Variants in HLCS observed in about 807,000 individuals in gnomAD.
HLCS encodes the protein biotin--protein ligase.
HLCS carries 53 observed loss-of-function variants against 75.0 expected under a neutral mutation model. That is an observed-to-expected ratio of 0.71 (90% CI 0.57 to 0.89). The LOEUF (loss-of-function observed/expected upper bound fraction) is 0.89. Ranked by LOEUF, HLCS falls within the 40% of genes least tolerant of loss-of-function variation. The pLI is 0.00. For synonymous variants in HLCS, 431 were observed against 428.6 expected (o/e 1.01, Z -0.07); for missense variants, 966 against 1,074.0 (o/e 0.90, Z 1.41).
intron 9 of HLCS, among the ~76,000 whole-genome samples, chr21:36,758,132 G>T (rs2089677810): frequency 6.6e-6 from 1 of 151,904 alleles, no homozygotes; most frequent in Non-Finnish European, 1.5e-5. Flanking sequence ...TGGAGACGGG[G>T]TCTCACTCCA....
chr21:36,966,603 C>T lies in HLCS; in HGVS notation c.36G>A (p.Ala12=). 1.0e-6 allele frequency: 1 copy of T among 993,428 alleles called. No individual in the cohort carries two copies. The allele number at this position is 993,428 out of a possible 1,614,324, so 61.5% of individuals were successfully genotyped here. ...GCTCAGCCGGCCGGCGACCCCAGCG[C>T]GCCCACAGGTACAGGTAGCACAGCG... is the stretch of plus-strand genomic sequence containing the variant. ...LITLCYLYLW[A]RWGRRPAELV... Residue 12 remains alanine (A), a synonymous_variant, in exon 1 of 11, where the codon GCG becomes GCA. Coordinates refer to ENST00000674895, the MANE Select transcript of HLCS (RefSeq NM_001352514.2).
At chr21:36,806,470 G>A (rs959939341) in intron 6 of HLCS, among the ~76,000 whole-genome samples, 38 of 149,964 alleles carry the variant, frequency 2.5e-4, no homozygotes, top group African/African-American at 7.6e-4. Context: ...TGAGGTTTCC[G>A]AAAAAAAAAC....
At position 36,830,517 on chromosome 21, in the gene HLCS, T is replaced by C. The variant is rs568181505; in HGVS notation, c.1893-63232A>G. 4.6e-5 allele frequency among the ~76,000 whole-genome samples: 7 copies of C among 152,152 alleles called. No individual in the cohort carries two copies. The South Asian group carries it at 1.2e-3, about 27-fold the overall frequency. On this transcript the variant is annotated intron_variant, in intron 6 of 10. Transcript: ENST00000674895. ...CTGTGTAGCACATAGGGCTTGTCAA[T>C]AGACAGGTTTCACTTTAGTAAAAGT...
intron 6 of HLCS, among the ~76,000 whole-genome samples, chr21:36,888,776 A>G (rs1158371849): frequency 1.3e-5 from 2 of 152,122 alleles, no homozygotes; most frequent in East Asian, 3.9e-4. Context: ...AGTAAGGCTC[A>G]GGGAGGAGAG....
chr21:36,821,887 G>A (rs1280050436), intron 6 of HLCS, among the ~76,000 whole-genome samples: 1 of 151,986 alleles, frequency 6.6e-6, no homozygotes, highest in African/African-American at 2.4e-5. Context: ...GGAAGGGAGG[G>A]AAGGAAAGAG....
chr21:36,764,802 G>C (rs1364958737), intron 8 of HLCS, among the ~76,000 whole-genome samples: 1 of 152,246 alleles, frequency 6.6e-6, no homozygotes, highest in Non-Finnish European at 1.5e-5. Context: ...TAGAAAGGGA[G>C]TTCTGGGGAA....
intron 6 of HLCS, among the ~76,000 whole-genome samples, chr21:36,859,081 G>A (rs2063298176): frequency 1.3e-5 from 2 of 152,164 alleles, no homozygotes; most frequent in South Asian, 2.1e-4. Context: ...GGATTGCAGT[G>A]GTGAGATCCT....
In HLCS at chr21:36,938,988, T is replaced by G. The variant is rs747944293; in HGVS notation, c.337A>C (p.Lys113Gln). 1.2e-6 allele frequency: 2 copies of G among 1,606,468 alleles called. No individual in the cohort carries two copies. The highest frequency in any genetic ancestry group is 2.2e-5 in the East Asian group (1 of 44,792). Residue 113 changes from lysine to glutamine, a missense_variant, in exon 3 of 11, where the codon AAG (lysine) becomes CAG (glutamine). Lys to Gln is a moderately conservative substitution (Grantham distance 53). Coordinates refer to ENST00000674895, the MANE Select transcript of HLCS (RefSeq NM_001352514.2). ...AATGGCAAACAACAGTCTGACCACT[T>G]GACAATCTGAGAAAAAGCAGGAGAG... Reference protein sequence around the residue: ...QRSSSSETIVKWSDCCLPLAC... With the variant: ...QRSSSSETIVQWSDCCLPLAC...
chr21:36,900,750 G>A (rs1245124483), intron 5 of HLCS, among the ~76,000 whole-genome samples: 1 of 152,134 alleles, frequency 6.6e-6, no homozygotes, highest in Non-Finnish European at 1.5e-5. Context: ...GAAAGGATAG[G>A]ATTCACAGTA....
intron 6 of HLCS, among the ~76,000 whole-genome samples, chr21:36,828,687 C>A (rs890115716): frequency 2.0e-5 from 3 of 152,052 alleles, no homozygotes; most frequent in South Asian, 2.1e-4. Context: ...TAAAATTGAT[C>A]CCTAGCATAA....
chr21:36,942,231 A>G (rs1265280886), intron 2 of HLCS, among the ~76,000 whole-genome samples: 1 of 151,984 alleles, frequency 6.6e-6, no homozygotes, highest in African/African-American at 2.4e-5. Flanking sequence ...ATACAGAAAA[A>G]GAAAAAAACC....
chr21:36,938,314 C>A (rs1031758334), intron 3 of HLCS, among the ~76,000 whole-genome samples: 1 of 152,150 alleles, frequency 6.6e-6, no homozygotes, highest in African/African-American at 2.4e-5. Flanking sequence ...ATGAAAACTT[C>A]TTGTTTAAGA....
At chr21:36,797,113 C>T (rs1018315129) in intron 6 of HLCS, among the ~76,000 whole-genome samples, 6 of 152,042 alleles carry the variant, frequency 3.9e-5, no homozygotes, top group African/African-American at 9.7e-5. Context: ...GTGATCCACC[C>T]GCCTCGGCCT....
intron 6 of HLCS, among the ~76,000 whole-genome samples, chr21:36,871,075 G>A (rs779966958): frequency 1.3e-5 from 2 of 152,218 alleles, no homozygotes; most frequent in South Asian, 4.1e-4. Flanking sequence ...CCCTGAGACC[G>A]GCCGTGTGCC....
intron 6 of HLCS, among the ~76,000 whole-genome samples, chr21:36,829,574 A>G (rs1601425646): frequency 6.6e-6 from 1 of 152,376 alleles, no homozygotes; most frequent in East Asian, 1.9e-4. Context: ...ATTTGTAACT[A>G]TGCAGACATT....
At chr21:36,833,600 T>TAC (rs1555905901) in intron 6 of HLCS, among the ~76,000 whole-genome samples, 3 of 145,606 alleles carry the variant, frequency 2.1e-5, no homozygotes, top group Non-Finnish European at 4.5e-5. Context: ...AAATTATATA[T>TAC]ATATATATAT....
At chr21:36,894,956 G>T (rs1339874819) in intron 6 of HLCS, among the ~76,000 whole-genome samples, 2 of 152,006 alleles carry the variant, frequency 1.3e-5, no homozygotes, top group Non-Finnish European at 2.9e-5. Context: ...AGGCTGGACA[G>T]CGTGTGGTGA....
intron 5 of HLCS, among the ~76,000 whole-genome samples, chr21:36,924,465 C>T (rs1255185476): frequency 6.6e-6 from 1 of 152,120 alleles, no homozygotes; most frequent in South Asian, 2.1e-4. Context: ...GAGGCTGAGG[C>T]AGGAGAATCG....
At chr21:36,756,167 G>A (rs1006774316) in intron 10 of HLCS, among the ~76,000 whole-genome samples, 58 of 152,118 alleles carry the variant, frequency 3.8e-4, no homozygotes, top group Middle Eastern at 3.4e-3. Flanking sequence ...GGCCGGGCGC[G>A]GTGGCTCACA....
Sources: gnomAD v4.1 joint callset for allele counts (sites outside exome capture counted in the v4.1 genomes callset) on GRCh38, gnomAD v4.1.1 for gene constraint, MANE v1.5 for transcripts, NCBI Gene and HGNC (gene_info 2026-07-23, HGNC 2026-07-21) for gene names.